PCDH15: variants seen among roughly 807,000 people sequenced by gnomAD.
PCDH15 encodes the protein protocadherin related 15.
A neutral mutation model predicts 178.5 loss-of-function variants in PCDH15; 129 were observed. The observed-to-expected ratio is 0.72, with a 90% CI of 0.63 to 0.84. The LOEUF (loss-of-function observed/expected upper bound fraction) is 0.84, where lower values mean the gene tolerates loss of function less well. Among genes scored for constraint, PCDH15 ranks in the 40% least tolerant of loss-of-function variants. The pLI, the probability that PCDH15 is intolerant of heterozygous loss-of-function variation, is 0.00. For synonymous variants in PCDH15, 800 were observed against 732.0 expected (o/e 1.09, Z -1.50); for missense variants, 2,230 against 2,099.9 (o/e 1.06, Z -1.21).
intron 2 of PCDH15, among the ~76,000 whole-genome samples, chr10:54,635,162 T>TATAAATAAATAAATAA (rs67991291): frequency 0.14 from 20,827 of 145,260 alleles, 1,674 homozygotes; most frequent in Middle Eastern, 0.18. Flanking sequence ...AATAGTCTCC[T>TATAAATAAATAAATAA]ATAAATAAAT....
At chr10:54,869,204 G>A (rs1011593676) in intron 3 of PCDH15, 29 of 152,122 alleles carry the variant, frequency 1.9e-4, no homozygotes, top group African/African-American at 7.0e-4. Context: ...AATGCCATGT[G>A]ACAAAGAAGG....
At chr10:55,578,602 C>T (rs1397806338) in intron 2 of PCDH15, among the ~76,000 whole-genome samples, 6 of 152,068 alleles carry the variant, frequency 3.9e-5, no homozygotes, top group African/African-American at 1.2e-4. Flanking sequence ...CTTTCATTGA[C>T]GTTGATTTTA....
intron 3 of PCDH15, among the ~76,000 whole-genome samples, chr10:54,474,888 A>ATAT (rs2078172537): frequency 3.9e-5 from 6 of 151,966 alleles, no homozygotes; most frequent in Admixed American, 3.9e-4. Context: ...ATCAATACAA[A>ATAT]TGTTACATAA....
At chr10:54,909,285 T>G (rs1954778584) in intron 2 of PCDH15, among the ~76,000 whole-genome samples, 1 of 152,070 alleles carries the variant, frequency 6.6e-6, no homozygotes, top group Admixed American at 6.5e-5. Flanking sequence ...CTGAGAAGCC[T>G]GATAGCCTCC....
At chr10:53,878,238 A>ATATC (rs2080396217) in intron 26 of PCDH15, among the ~76,000 whole-genome samples, 1 of 86,050 alleles carries the variant, frequency 1.2e-5, no homozygotes, top group Non-Finnish European at 2.5e-5. Context: ...ATATATATAT[A>ATATC]TATATTCTAC....
At chr10:54,390,614 G>T (rs771590545) in intron 3 of PCDH15, among the ~76,000 whole-genome samples, 3 of 152,052 alleles carry the variant, frequency 2.0e-5, no homozygotes, top group Non-Finnish European at 4.4e-5. Flanking sequence ...CTGTTTTGTA[G>T]TATAGGCTAT....
intron 8 of PCDH15, among the ~76,000 whole-genome samples, chr10:54,295,758 T>A (rs1012235007): frequency 6.6e-6 from 1 of 152,156 alleles, no homozygotes; most frequent in Non-Finnish European, 1.5e-5. Context: ...AATCACCAAG[T>A]AGTGAGTACC....
chr10:54,186,682 G>T (rs2048502735), intron 11 of PCDH15, among the ~76,000 whole-genome samples: 1 of 151,828 alleles, frequency 6.6e-6, no homozygotes, highest in Non-Finnish European at 1.5e-5. Context: ...ATTATAAAAT[G>T]ATCAAAAATA....
chr10:55,593,612 TATTAAG>T (rs903298932), intron 2 of PCDH15, among the ~76,000 whole-genome samples: 10 of 151,884 alleles, frequency 6.6e-5, no homozygotes, highest in Non-Finnish European at 1.2e-4. Context: ...ACCTAAAATA[TATTAAG>T]ATTAATTACT....
intron 2 of PCDH15, among the ~76,000 whole-genome samples, chr10:55,115,338 T>C (rs1414373388): frequency 1.3e-5 from 2 of 152,248 alleles, no homozygotes; most frequent in African/African-American, 2.4e-5. Flanking sequence ...TATGCAGCTT[T>C]CTGTAACAGC....
At chr10:55,397,488 C>T (rs1040829332) in intron 2 of PCDH15, among the ~76,000 whole-genome samples, 1 of 152,150 alleles carries the variant, frequency 6.6e-6, no homozygotes, top group Non-Finnish European at 1.5e-5. Context: ...AATCTACCTC[C>T]TTTTCATAGC....
chr10:53,882,756 A>T (rs2080819320), intron 26 of PCDH15, among the ~76,000 whole-genome samples: 1 of 152,138 alleles, frequency 6.6e-6, no homozygotes, highest in African/African-American at 2.4e-5. Context: ...ATTAGAATGT[A>T]TTTGTTTTTC....
chr10:54,556,422 T>C (rs558233711), intron 2 of PCDH15, among the ~76,000 whole-genome samples: 15 of 152,300 alleles, frequency 9.8e-5, no homozygotes, highest in Non-Finnish European at 1.8e-4. Flanking sequence ...TTTGCTATGT[T>C]GTCAAGATGA....
chr10:55,215,376 T>C (rs1840676198), intron 1 of PCDH15, among the ~76,000 whole-genome samples: 2 of 152,244 alleles, frequency 1.3e-5, no homozygotes, highest in South Asian at 4.1e-4. Flanking sequence ...TATGCATTTG[T>C]ACAGTGGGCA....
intron 1 of PCDH15, among the ~76,000 whole-genome samples, chr10:54,794,844 C>T (rs1346931676): frequency 1.3e-5 from 2 of 151,728 alleles, no homozygotes; most frequent in Non-Finnish European, 2.9e-5. Flanking sequence ...TCCTAGATTG[C>T]TTTTTTTAAA....
At chr10:53,825,567 C>CAACTA (rs1282946093) in intron 32 of PCDH15, among the ~76,000 whole-genome samples, 3 of 151,604 alleles carry the variant, frequency 2.0e-5, no homozygotes, top group Non-Finnish European at 4.4e-5. Context: ...AGTAAATATA[C>CAACTA]AACTACTATG....
intron 1 of PCDH15, among the ~76,000 whole-genome samples, chr10:55,282,974 G>T (rs1483030206): frequency 7.9e-5 from 12 of 152,066 alleles, no homozygotes; most frequent in Non-Finnish European, 1.5e-4. Context: ...TTGAAACAAA[G>T]AAAATAACAG....
intron 2 of PCDH15, among the ~76,000 whole-genome samples, chr10:55,000,508 G>T (rs1839773164): frequency 2.0e-5 from 3 of 152,058 alleles, no homozygotes; most frequent in Non-Finnish European, 4.4e-5. Flanking sequence ...AATTTGTGCA[G>T]GTAACACAAT....
intron 13 of PCDH15, among the ~76,000 whole-genome samples, chr10:54,181,963 G>C (rs1399976427): frequency 6.6e-6 from 1 of 151,664 alleles, no homozygotes; most frequent in Non-Finnish European, 1.5e-5. Flanking sequence ...TTTGTTTTTT[G>C]TGTTTTTCTT....
Sources: gnomAD v4.1 joint callset for allele counts (sites outside exome capture counted in the v4.1 genomes callset) on GRCh38, gnomAD v4.1.1 for gene constraint, MANE v1.5 for transcripts, NCBI Gene and HGNC (gene_info 2026-07-23, HGNC 2026-07-21) for gene names.